DISC1: variants seen among roughly 807,000 people sequenced by gnomAD.
The protein encoded by DISC1 is disrupted in schizophrenia 1 protein.
A neutral mutation model predicts 84.5 loss-of-function variants in DISC1; 57 were observed. The observed-to-expected ratio is 0.67, with a 90% CI of 0.55 to 0.84. The LOEUF is 0.84. Among genes scored for constraint, DISC1 ranks in the 40% least tolerant of loss-of-function variants. The pLI, the probability that DISC1 is intolerant of heterozygous loss-of-function variation, is 0.00. For missense variants in DISC1, 1,000 were observed against 1,057.8 expected (o/e 0.95, Z 0.76); for synonymous variants, 411 against 415.2 (o/e 0.99, Z 0.12).
chr1:231,966,612 T>G (rs969701755), intron 10 of DISC1, among the ~76,000 whole-genome samples: 1 of 152,252 alleles, frequency 6.6e-6, no homozygotes, highest in East Asian at 1.9e-4. Flanking sequence ...ATTTAACTGA[T>G]GGAATCTCTT....
At chr1:231,750,578 C>T in intron 4 of DISC1, 1 of 985,868 alleles carries the variant, frequency 1.0e-6, no homozygotes, top group Non-Finnish European at 1.2e-6. Flanking sequence ...TGCTTCTAAT[C>T]CAGTGGCTTG....
chr1:231,965,438 C>T (rs1660957044), intron 10 of DISC1, among the ~76,000 whole-genome samples: 1 of 152,162 alleles, frequency 6.6e-6, no homozygotes, highest in African/African-American at 2.4e-5. Context: ...AGGCTTTCCT[C>T]TGCATTCCCA....
At chr1:231,974,706 GTTTC>G (rs1344317120) in intron 10 of DISC1, among the ~76,000 whole-genome samples, 2 of 152,142 alleles carry the variant, frequency 1.3e-5, no homozygotes, top group African/African-American at 4.8e-5. Flanking sequence ...TTTTCTGCCA[GTTTC>G]TTTAAGTCTA....
chr1:231,830,206 G>A (rs1476080786), intron 9 of DISC1, among the ~76,000 whole-genome samples: 2 of 152,204 alleles, frequency 1.3e-5, no homozygotes, highest in Admixed American at 6.5e-5. Context: ...GCTGCTTCGA[G>A]CGGGATTAGG....
At chr1:232,029,965 G>C (rs1669845945) in intron 12 of DISC1, among the ~76,000 whole-genome samples, 1 of 152,180 alleles carries the variant, frequency 6.6e-6, no homozygotes, top group Admixed American at 6.5e-5. Flanking sequence ...AGAGGAAAGA[G>C]CCTTTGCCTC....
chr1:231,675,621 C>T lies in DISC1; in HGVS notation c.68-18205C>T, dbSNP rs200234005. Among the ~76,000 whole-genome samples the T allele has an allele frequency of 2.2e-4, 34 of 152,136 alleles. No homozygotes were observed. The highest frequency in any genetic ancestry group is 4.1e-4 in the Non-Finnish European group (28 of 68,026). ...TACCAGTGTACCACTGGGCCGCATC[C>T]TTAAAGATGGTGCTGTGAGGGACAG... On this transcript the variant is annotated intron_variant, in intron 1 of 12. Transcript: ENST00000439617. The surrounding 1 kb of genome is among the most constrained non-coding windows in gnomAD (Gnocchi z 4.1).
Position 231,886,799 on chromosome 1 carries a change from CTTTCT to C in DISC1, c.1981+68285_1981+68289del, listed in dbSNP as rs1430396762. ...TCTTTCTTTCTTTCTTTCTTTCTTT[CTTTCT>C]TTCTTTCTTTCTTTCTTTCTTTCTT... On this transcript the variant is annotated intron_variant, in intron 9 of 12. Transcript: ENST00000439617. 4.5e-3 allele frequency among the ~76,000 whole-genome samples: 646 copies of C among 142,438 alleles called. 8 individuals are homozygous for C. The highest frequency in any genetic ancestry group is 0.015 in the African/African-American group (589 of 38,504). 93.4% of individuals were successfully genotyped at this position (142,438 alleles called of 152,430 possible).
At chr1:231,773,664 G>C (rs922403279) in intron 6 of DISC1, among the ~76,000 whole-genome samples, 17 of 152,154 alleles carry the variant, frequency 1.1e-4, no homozygotes, top group Admixed American at 9.2e-4. Flanking sequence ...GATTACAGGC[G>C]TGAGCCACTG....
chr1:231,999,903 G>A (rs1403256519), intron 10 of DISC1, among the ~76,000 whole-genome samples: 2 of 152,114 alleles, frequency 1.3e-5, no homozygotes, highest in East Asian at 3.9e-4. Flanking sequence ...GAACCACACT[G>A]CAATGGCTTC....
At chr1:231,736,840 G>A (rs184954301) in intron 3 of DISC1, among the ~76,000 whole-genome samples, 1 of 152,188 alleles carries the variant, frequency 6.6e-6, no homozygotes, top group African/African-American at 2.4e-5. Flanking sequence ...TGGCTACACA[G>A]CCTCTAAGAA....
At chr1:232,025,355 C>T (rs192972223) in intron 11 of DISC1, among the ~76,000 whole-genome samples, 8 of 152,178 alleles carry the variant, frequency 5.3e-5, no homozygotes, top group Admixed American at 3.3e-4. Context: ...GGGCTTTGTG[C>T]GAGGTCCTAT....
At chr1:231,896,187 C>T (rs1197915123) in intron 9 of DISC1, among the ~76,000 whole-genome samples, 3 of 151,980 alleles carry the variant, frequency 2.0e-5, no homozygotes, top group South Asian at 2.1e-4. Context: ...GATCTGGGGT[C>T]GCATTCAATG....
intron 6 of DISC1, chr1:231,774,527 G>A (rs971613470): frequency 8.6e-6 from 3 of 348,980 alleles, no homozygotes; most frequent in Admixed American, 7.6e-5. Context: ...GGTGATCCTT[G>A]GCATCAGTCT....
chr1:231,866,715 A>G (rs949136393), intron 9 of DISC1: 2 of 1,355,216 alleles, frequency 1.5e-6, no homozygotes, highest in Non-Finnish European at 1.9e-6. Flanking sequence ...AAAAGAAAGC[A>G]TGTCTTCGAC....
chr1:231,983,025 C>T (rs531214139), intron 10 of DISC1, among the ~76,000 whole-genome samples: 3 of 152,266 alleles, frequency 2.0e-5, no homozygotes, highest in Non-Finnish European at 4.4e-5. Context: ...GAAGCAGCTA[C>T]CACCCATAGG....
chr1:231,678,503 A>G (rs916024957), intron 1 of DISC1, among the ~76,000 whole-genome samples: 6 of 152,242 alleles, frequency 3.9e-5, no homozygotes, highest in Non-Finnish European at 4.4e-5. Context: ...ATGTTCTCCA[A>G]TCTTTCCAAC....
rs373895443 is a variant in DISC1, at chr1:231,629,988, G to A, written c.67+3054G>A. Among the ~76,000 whole-genome samples the A allele has an allele frequency of 3.7e-4, 56 of 152,282 alleles. 2 individuals are homozygous for A. In the East Asian group the frequency reaches 4.1e-3, roughly 11 times the overall value. ...CGTTCTGTCGCCAGGCTGGAGTGCA[G>A]TGGCACGATCTCGGCTCACTGCAAC... On this transcript the variant is annotated intron_variant, in intron 1 of 12. Transcript: ENST00000439617.
intron 1 of DISC1, among the ~76,000 whole-genome samples, chr1:231,663,678 G>A (rs1333699680): frequency 1.3e-5 from 2 of 152,054 alleles, no homozygotes; most frequent in East Asian, 3.9e-4. Context: ...TACCCTCCAC[G>A]TGTTGCATAT....
At chr1:231,874,793 C>G (rs895334648) in intron 9 of DISC1, among the ~76,000 whole-genome samples, 2 of 151,824 alleles carry the variant, frequency 1.3e-5, no homozygotes, top group Admixed American at 6.6e-5. Context: ...TGCCTGTAAT[C>G]CCAGCTACTC....
Sources: allele counts gnomAD v4.1 joint callset (sites outside exome capture counted in the v4.1 genomes callset), GRCh38; gene constraint gnomAD v4.1.1; non-coding constraint Gnocchi (gnomAD v3.1); transcripts MANE v1.5; gene names NCBI Gene and HGNC (gene_info 2026-07-23, HGNC 2026-07-21).